Variants in NOTCH3 observed in about 807,000 individuals in gnomAD.
The protein encoded by NOTCH3 is notch receptor 3.
Under a neutral mutation model 213.3 loss-of-function variants are expected in NOTCH3, and 86 were observed. That is an observed-to-expected ratio of 0.40 (90% CI 0.34 to 0.48). The LOEUF (loss-of-function observed/expected upper bound fraction) is 0.48, where lower values mean the gene tolerates loss of function less well. NOTCH3 is among the 20% of genes least tolerant of loss of function. The pLI is 0.57. For missense variants in NOTCH3, 2,783 were observed against 3,272.6 expected (o/e 0.85, Z 3.65); for synonymous variants, 1,354 against 1,355.9 (o/e 1.00, Z 0.03).
rs766274305 is a variant in NOTCH3 at position 15,161,604 on chromosome 19, C to T, written c.6024G>A (p.Pro2008=). The change falls in exon 33 of 33, where the codon CCG becomes CCA. Residue 2008 remains proline, a synonymous_variant. Transcript: ENST00000263388. ...GCAGTCTCTCCTGGGCTACGTCCCG[C>T]GGCAGCCTGTCCAGGTGGTCGGTGA... The part of the protein sequence containing the change: ...REITDHLDRL[P]RDVAQERLHQ... 3.2e-5 allele frequency: 52 copies of T among 1,612,398 alleles called. No individual in the cohort carries two copies. The Middle Eastern group carries it at 4.9e-4, about 15-fold the overall frequency.
rs1208347985 is a variant in NOTCH3 at position 15,192,495 on chromosome 19, C to T, written c.222G>A (p.Glu74=). ...ACLCPPGWVG[E]RCQLEDPCHS... is the part of the protein sequence containing the mutation. ...GACAGGGGTCCTCCAGCTGACACCG[C>T]TCACCCACCCAGCCAGGCGGGCACC... is the stretch of plus-strand genomic sequence containing the variant. Residue 74 remains glutamate, a synonymous_variant, in exon 3 of 33, where the codon GAG becomes GAA. Coordinates refer to ENST00000263388, the MANE Select transcript of NOTCH3 (RefSeq NM_000435.3). 3 of 1,599,514 alleles carry T rather than the reference C, an allele frequency of 1.9e-6. No homozygotes were observed. Among genetic ancestry groups the T allele is most frequent in the Non-Finnish European group, 1.7e-6 (2 of 1,174,026 alleles).
chr19:15,174,644 G>A (rs1189191346), intron 24 of NOTCH3, among the ~76,000 whole-genome samples: 4 of 151,008 alleles, frequency 2.6e-5, no homozygotes, highest in Non-Finnish European at 5.9e-5. Context: ...TGATCTCTCA[G>A]CTCACTGCAG....
rs16980378 is a variant in NOTCH3 at position 15,159,725 on chromosome 19, A to G, written c.*937T>C. The G allele has an allele frequency of 6.1e-3, 1,417 of 233,160 alleles. 36 individuals are homozygous for G. In the East Asian group the frequency reaches 0.061, roughly 10 times the overall value. The allele number at this position is 233,160 out of a possible 1,614,324, so 14.4% of individuals were successfully genotyped here. On this transcript the variant is annotated 3_prime_UTR_variant, in exon 33 of 33. Transcript: ENST00000263388. ...ATTCAGCTACACAGGGATTTTGACC[A>G]GAAGCCATATTACAAAAATAGCCTA...
intron 32 of NOTCH3, among the ~76,000 whole-genome samples, chr19:15,162,139 G>A (rs1189687216): frequency 4.6e-5 from 7 of 151,444 alleles, no homozygotes; most frequent in Non-Finnish European, 7.4e-5. Flanking sequence ...GCACCACTAC[G>A]CCCAGCTAAT....
chr19:15,168,105 TAGC>T (rs1406754381), intron 28 of NOTCH3, among the ~76,000 whole-genome samples: 5 of 152,070 alleles, frequency 3.3e-5, no homozygotes, highest in Non-Finnish European at 5.9e-5. Flanking sequence ...CAGATTGGGA[TAGC>T]ATCTGATCCA....
intron 31 of NOTCH3, among the ~76,000 whole-genome samples, chr19:15,162,881 T>C (rs2046657898): frequency 6.6e-6 from 1 of 152,050 alleles, no homozygotes; most frequent in South Asian, 2.1e-4. Flanking sequence ...AATACAGTAG[T>C]CAGTCACATG....
At position 15,181,089 on chromosome 19, in the gene NOTCH3, C is replaced by T. The variant is rs745954040; in HGVS notation, c.2866G>A (p.Gly956Arg). 1 of 1,609,532 alleles carries T rather than the reference C, an allele frequency of 6.2e-7. No homozygotes were observed. The highest frequency in any genetic ancestry group is 1.3e-5 in the African/African-American group (1 of 74,918). Residue 956 changes from glycine (G) to arginine (R), a missense_variant, in exon 18 of 33, where the codon GGA becomes AGA. Around this residue, in one of 6 missense-constraint regions of NOTCH3, gnomAD observed 861 missense variants for 909.1 expected, o/e 0.95. Transcript: ENST00000263388. Reference protein sequence around the residue: ...FSCLCRPGYTGAHCQHEADPC... With the variant: ...FSCLCRPGYTRAHCQHEADPC... ...TCTGCCTCATGTTGGCAGTGGGCTC[C>T]TGTGTAGCCGGGACGGCACAGGCAG...
chr19:15,165,786 C>T lies in NOTCH3; in HGVS notation c.5667+1G>A, dbSNP rs764795028. The T allele has an allele frequency of 6.2e-7, 1 of 1,611,574 alleles. No individual in the cohort carries two copies. Among genetic ancestry groups the T allele is most frequent in the South Asian group, 1.1e-5 (1 of 91,070 alleles). On this transcript the variant is annotated splice_donor_variant, in intron 30 of 32. Transcript: ENST00000263388. LOFTEE classifies it high-confidence loss of function. This position sits in a 1 kb window ranked among gnomAD's most constrained non-coding sequence, Gnocchi z 4.7. ...AGGTCCAAAGTGTGTGCCTATCTCACCTGGAAGACACCCTGGGCATCGGCT... is the reference window on the plus strand; with the variant it reads ...AGGTCCAAAGTGTGTGCCTATCTCATCTGGAAGACACCCTGGGCATCGGCT...
intron 32 of NOTCH3, 103 bp from the exon 33 acceptor site, chr19:15,161,817 A>C: frequency 2.1e-6 from 2 of 972,766 alleles, no homozygotes; most frequent in Non-Finnish European, 3.0e-6. Context: ...TGTACACTGG[A>C]GCTTGACAGA....
chr19:15,197,680 G>A, intron 1 of NOTCH3, 102 bp from the exon 2 acceptor site: 1 of 946,160 alleles, frequency 1.1e-6, no homozygotes, highest in Non-Finnish European at 1.6e-6. Flanking sequence ...ACAGCTGCAT[G>A]GGGATGGGGG....
intron 31 of NOTCH3, among the ~76,000 whole-genome samples, chr19:15,164,552 ATT>A (rs71168585): frequency 0.44 from 40,209 of 91,068 alleles, 8,976 homozygotes; most frequent in African/African-American, 0.48. Flanking sequence ...AAAAAAAAAA[ATT>A]AAAAAAAGGG....
intron 23 of NOTCH3, 71 bp from the exon 24 acceptor site, chr19:15,178,161 G>A: frequency 1.1e-6 from 1 of 940,162 alleles, no homozygotes; most frequent in Non-Finnish European, 1.6e-6. Flanking sequence ...GAGAAGAAAT[G>A]GAGGAGTGGG....
At chr19:15,175,046 G>A (rs1043877475) in intron 24 of NOTCH3, among the ~76,000 whole-genome samples, 3 of 151,932 alleles carry the variant, frequency 2.0e-5, no homozygotes, top group African/African-American at 2.4e-5. Flanking sequence ...CCACACTCCC[G>A]GCCTCACTGG....
Position 15,181,017 on chromosome 19 carries a change from C to A in NOTCH3, c.2938G>T (p.Ala980Ser), listed in dbSNP as rs376187165. The change falls in exon 18 of 33, where the codon GCC becomes TCC. Residue 980 changes from alanine to serine, a missense_variant. Physicochemically the swap from Ala to Ser is moderately conservative, Grantham distance 99 (BLOSUM62 1). Around this residue, in one of 6 missense-constraint regions of NOTCH3, gnomAD observed 861 missense variants for 909.1 expected, o/e 0.95. Transcript: ENST00000263388. ...PCLHGGVCSA[A>S]HPGFRCTCLE... ...CAGGTGCAGCGGAAGCCAGGGTGGG[C>A]GGCGCTGCAGACGCCCCCGTGTAGG... 2.3e-5 allele frequency: 37 copies of A among 1,597,896 alleles called. No homozygotes were observed. In the African/African-American group the frequency reaches 4.4e-4, roughly 19 times the overall value.
intron 20 of NOTCH3, 97 bp from the exon 21 acceptor site, chr19:15,179,593 C>T: frequency 2.9e-6 from 4 of 1,383,594 alleles, no homozygotes; most frequent in Non-Finnish European, 3.0e-6. Flanking sequence ...CACAAAAGGA[C>T]ACACACAGAT....
Position 15,170,518 on chromosome 19 carries a change from G to T in NOTCH3, c.4927C>A (p.Leu1643Met). The T allele has an allele frequency of 6.2e-7, 1 of 1,610,248 alleles. No homozygotes were observed. The change falls in exon 27 of 33, where the codon CTG (leucine) becomes ATG (methionine). Residue 1643 changes from leucine (L) to methionine (M), a missense_variant. By Grantham distance (15) the Leu-to-Met change is conservative. Around this residue, in one of 6 missense-constraint regions of NOTCH3, gnomAD observed 636 missense variants for 801.8 expected, o/e 0.79. Coordinates refer to ENST00000263388, the MANE Select transcript of NOTCH3 (RefSeq NM_000435.3). ...GCGCCCGCCACTAGCAGTGGCAGCA[G>T]CGGGACGCTGGGTTCTGGAGGCTCC... ...PLEPPEPSVP[L>M]LPLLVAGAVL...
rs145524535 is a variant in NOTCH3, at chr19:15,180,088, C to T, written c.3311G>A (p.Gly1104Glu). ...CCCCCTTACCTCACACATGTAGCCCCCCATATAGCCACGGCAGGTCCCCCC... is the reference window on the plus strand; with the variant it reads ...CCCCCTTACCTCACACATGTAGCCCTCCATATAGCCACGGCAGGTCCCCCC... ...QHGGTCRGYM[G>E]GYMCECLPGY... Residue 1104 changes from glycine to glutamate, a missense_variant, in exon 20 of 33, where the codon GGG (glycine) becomes GAG (glutamate). By Grantham distance (98) the Gly-to-Glu change is moderately conservative. Transcript: ENST00000263388. The T allele has an allele frequency of 2.5e-6, 4 of 1,610,830 alleles. No individual in the cohort carries two copies. In the African/African-American group the frequency reaches 5.4e-5, roughly 22 times the overall value.
intron 2 of NOTCH3, 38 bp downstream of exon 2, chr19:15,197,462 A>AC: frequency 3.2e-6 from 2 of 623,584 alleles, no homozygotes; most frequent in Non-Finnish European, 5.6e-6. Flanking sequence ...CCGCCCCCAC[A>AC]CACAGGGCCC....
intron 1 of NOTCH3, 26 bp downstream of exon 1, chr19:15,200,762 C>T (rs1239701784): frequency 4.7e-6 from 6 of 1,280,018 alleles, no homozygotes; most frequent in Non-Finnish European, 5.9e-6. Flanking sequence ...CGCCCTCGTC[C>T]CATCCGCCAG....
Sources: allele counts gnomAD v4.1 joint callset (sites outside exome capture counted in the v4.1 genomes callset), GRCh38; gene constraint gnomAD v4.1.1; regional missense constraint gnomAD v4.1.1; non-coding constraint Gnocchi (gnomAD v3.1); transcripts MANE v1.5; gene names NCBI Gene and HGNC (gene_info 2026-07-23, HGNC 2026-07-21).